The following PDE11A variants were observed in gnomAD, a reference collection of about 807,000 sequenced individuals.
The protein encoded by PDE11A is dual 3',5'-cyclic-AMP and -GMP phosphodiesterase 11A.
Under a neutral mutation model 100.5 loss-of-function variants are expected in PDE11A, and 100 were observed. The ratio of observed to expected loss-of-function variants is 1.00; its 90% CI spans 0.85 to 1.18. The LOEUF (loss-of-function observed/expected upper bound fraction) is 1.18. Among genes scored for constraint, PDE11A ranks in the 50% most tolerant of loss-of-function variants. PDE11A has a pLI of 0.00. For synonymous variants in PDE11A, 381 were observed against 420.8 expected, an observed-to-expected ratio of 0.91 and a Z score of 1.16; for missense variants, 1,141 against 1,152.6, an observed-to-expected ratio of 0.99 and a Z score of 0.15.
chr2:177,792,820 A>G (rs1266154717), intron 9 of PDE11A, among the ~76,000 whole-genome samples: 1 of 152,224 alleles, frequency 6.6e-6, no homozygotes, highest in Non-Finnish European at 1.5e-5. Context: ...CATTCAATCA[A>G]GACATATCCA....
chr2:177,713,980 C>CTTTTT (rs2081394841), intron 12 of PDE11A, among the ~76,000 whole-genome samples: 1 of 77,842 alleles, frequency 1.3e-5, no homozygotes, highest in Non-Finnish European at 2.8e-5. Context: ...TATTTCTTTT[C>CTTTTT]TTTTTTCTTT....
intron 1 of PDE11A, among the ~76,000 whole-genome samples, chr2:178,015,090 A>C (rs558166194): frequency 1.3e-5 from 2 of 152,316 alleles, no homozygotes; most frequent in African/African-American, 4.8e-5. Context: ...AAAATTGTTT[A>C]ACTTAAACAG....
At chr2:177,671,773 G>A (rs1298123274) in intron 17 of PDE11A, among the ~76,000 whole-genome samples, 1 of 152,048 alleles carries the variant, frequency 6.6e-6, no homozygotes, top group Non-Finnish European at 1.5e-5. Flanking sequence ...TTACACTAGT[G>A]ACCGAGAAGA....
At chr2:177,984,363 T>G (rs2085917239) in intron 2 of PDE11A, among the ~76,000 whole-genome samples, 1 of 152,208 alleles carries the variant, frequency 6.6e-6, no homozygotes, top group Non-Finnish European at 1.5e-5. Context: ...CCATACCATA[T>G]TGCTGAAGAT....
intron 2 of PDE11A, among the ~76,000 whole-genome samples, chr2:177,966,587 A>G (rs1393237580): frequency 1.3e-5 from 2 of 151,918 alleles, no homozygotes; most frequent in Non-Finnish European, 2.9e-5. Flanking sequence ...TTTTATTGGA[A>G]GCCTTTTCTG....
chr2:178,056,085 C>T (rs1182471169), intron 1 of PDE11A, among the ~76,000 whole-genome samples: 1 of 152,080 alleles, frequency 6.6e-6, no homozygotes, highest in Non-Finnish European at 1.5e-5. Context: ...AGTTTCCCTT[C>T]GACGACTTGT....
chr2:177,955,125 A>C (rs566735370), intron 2 of PDE11A, among the ~76,000 whole-genome samples: 3 of 152,158 alleles, frequency 2.0e-5, no homozygotes, highest in Non-Finnish European at 4.4e-5. Flanking sequence ...GGAAAGGCTT[A>C]TTGATGTTTT....
chr2:177,767,778 C>A (rs1223582663), intron 10 of PDE11A, among the ~76,000 whole-genome samples: 1 of 152,166 alleles, frequency 6.6e-6, no homozygotes, highest in Non-Finnish European at 1.5e-5. Flanking sequence ...TCCATTCATT[C>A]ATTCATCCAT....
At chr2:177,755,959 G>A (rs2082085357) in intron 10 of PDE11A, among the ~76,000 whole-genome samples, 1 of 152,226 alleles carries the variant, frequency 6.6e-6, no homozygotes, top group African/African-American at 2.4e-5. Flanking sequence ...GGTTTTGCAG[G>A]AGCCCATTCT....
intron 6 of PDE11A, among the ~76,000 whole-genome samples, chr2:177,823,947 T>A (rs1280179152): frequency 6.6e-6 from 1 of 152,114 alleles, no homozygotes; most frequent in Admixed American, 6.6e-5. Flanking sequence ...GAAGGACAGG[T>A]CACAATGGGC....
Position 177,894,982 on chromosome 2 carries a change from G to A in PDE11A, c.1302+3076C>T, listed in dbSNP as rs181930808. ...TCCCTAAAATGTATAAAACCAAACT[G>A]TGATCCAACTACCTTGGGACCACTT... On this transcript the variant is annotated intron_variant, in intron 4 of 19. Coordinates refer to ENST00000286063, the MANE Select transcript of PDE11A (RefSeq NM_016953.4). 3.3e-4 allele frequency among the ~76,000 whole-genome samples: 50 copies of A among 152,194 alleles called. 1 individual carries two copies. Among genetic ancestry groups the A allele is most frequent in the Admixed American group, 2.9e-3 (44 of 15,286 alleles).
chr2:177,714,383 G>A (rs2081405669), intron 12 of PDE11A, among the ~76,000 whole-genome samples: 1 of 152,130 alleles, frequency 6.6e-6, no homozygotes, highest in Non-Finnish European at 1.5e-5. Context: ...ACCATACATT[G>A]TTCTAAGAGC....
At position 177,981,771 on chromosome 2, in the gene PDE11A, T is replaced by C. The variant is rs542451472; in HGVS notation, c.1071+32531A>G. On this transcript the variant is annotated intron_variant, in intron 2 of 19. Coordinates refer to ENST00000286063, the MANE Select transcript of PDE11A (RefSeq NM_016953.4). Reference sequence around the variant, plus strand: ...CTAGAAATATTCTGCAGGAGATACATTAGTACATGAAGTACTTCAAAATTG... The same window carrying C: ...CTAGAAATATTCTGCAGGAGATACACTAGTACATGAAGTACTTCAAAATTG... Among the ~76,000 whole-genome samples, 98 of 151,220 alleles carry C rather than the reference T, an allele frequency of 6.5e-4. 1 individual carries two copies. Among genetic ancestry groups the C allele is most frequent in the African/African-American group, 2.2e-3 (93 of 41,492 alleles).
intron 2 of PDE11A, among the ~76,000 whole-genome samples, chr2:177,913,732 C>T (rs2084914277): frequency 6.6e-6 from 1 of 152,110 alleles, no homozygotes; most frequent in Non-Finnish European, 1.5e-5. Flanking sequence ...TTACTTCATT[C>T]ATCTTAATGT....
At chr2:177,635,460 G>A (rs539014581) in intron 19 of PDE11A, among the ~76,000 whole-genome samples, 1 of 152,136 alleles carries the variant, frequency 6.6e-6, no homozygotes, top group African/African-American at 2.4e-5. Flanking sequence ...CTGGGCATCT[G>A]GTCATCTAGG....
At position 177,697,304 on chromosome 2, in the gene PDE11A, G is replaced by T. The variant is rs3731808; in HGVS notation, c.2345+28C>A. On this transcript the variant is annotated intron_variant, in intron 15 of 19. Transcript: ENST00000286063. ...TAGTTACAGGATGGAACTTCCATTT[G>T]TCAAACAGATCAAATGCCAATACCT... 0.029 allele frequency: 31,881 copies of T among 1,110,602 alleles called. 3,793 individuals are homozygous for T. In the Admixed American group the frequency reaches 0.29, roughly 10 times the overall value. 68.8% of individuals were successfully genotyped at this position (1,110,602 alleles called of 1,614,324 possible). A position where few individuals can be genotyped will look rare whatever the true frequency, so the allele number is the denominator to read the frequency against.
chr2:178,062,833 AT>A (rs2086989788), intron 1 of PDE11A, among the ~76,000 whole-genome samples: 1 of 152,200 alleles, frequency 6.6e-6, no homozygotes, highest in African/African-American at 2.4e-5. Context: ...AAGTATCATC[AT>A]TTCCAAACAC....
intron 2 of PDE11A, among the ~76,000 whole-genome samples, chr2:178,083,291 G>A (rs2087309810): frequency 6.6e-6 from 1 of 151,884 alleles, no homozygotes; most frequent in Admixed American, 6.6e-5. Flanking sequence ...TAGAAACGGG[G>A]TTTCACCATG....
At chr2:177,999,584 G>A (rs943861470) in intron 2 of PDE11A, among the ~76,000 whole-genome samples, 2 of 152,130 alleles carry the variant, frequency 1.3e-5, no homozygotes, top group African/African-American at 4.8e-5. Context: ...CTGCCCAGAC[G>A]CTATGATGCT....
Sources: gnomAD v4.1 joint callset for allele counts (sites outside exome capture counted in the v4.1 genomes callset) on GRCh38, gnomAD v4.1.1 for gene constraint, MANE v1.5 for transcripts, NCBI Gene and HGNC (gene_info 2026-07-23, HGNC 2026-07-21) for gene names.